Variants in PHF20 observed in about 807,000 individuals in gnomAD.
The protein encoded by PHF20 is glioma-expressed antigen 2.
PHF20 carries 23 observed loss-of-function variants against 113.5 expected under a neutral mutation model. The observed-to-expected ratio is 0.20, with a 90% CI of 0.15 to 0.29. PHF20 has a LOEUF of 0.29. Among genes scored for constraint, PHF20 ranks in the 10% least tolerant of loss-of-function variants. The probability of loss-of-function intolerance (pLI) is 1.00; values close to 1 mark genes in which losing one functional copy is unlikely to be tolerated. For missense variants in PHF20, 943 were observed against 1,219.6 expected (o/e 0.77, Z 3.38); for synonymous variants, 434 against 457.3 (o/e 0.95, Z 0.65).
chr20:35,892,096 C>T (rs560317368), intron 9 of PHF20, among the ~76,000 whole-genome samples: 61 of 150,680 alleles, frequency 4.0e-4, no homozygotes, highest in African/African-American at 1.1e-3. Context: ...CTCGTTCTTT[C>T]GCCCAGTTTC....
intron 5 of PHF20, among the ~76,000 whole-genome samples, chr20:35,861,094 GAGTT>G (rs1337821050): frequency 6.6e-6 from 1 of 151,892 alleles, no homozygotes; most frequent in African/African-American, 2.4e-5. Flanking sequence ...GGTTTGGCTA[GAGTT>G]ATCTGTCATG....
intron 2 of PHF20, among the ~76,000 whole-genome samples, chr20:35,832,296 C>G (rs781436020): frequency 6.6e-6 from 1 of 152,174 alleles, no homozygotes; most frequent in South Asian, 2.1e-4. Flanking sequence ...GTATCTTACT[C>G]TACCTTAAGG....
chr20:35,906,736 G>A (rs183112465), intron 10 of PHF20, among the ~76,000 whole-genome samples: 1 of 152,286 alleles, frequency 6.6e-6, no homozygotes, highest in African/African-American at 2.4e-5. Flanking sequence ...TATCCGATAG[G>A]CAGAACATCT....
chr20:35,841,312 C>T (rs1211322621), intron 2 of PHF20, among the ~76,000 whole-genome samples: 6 of 151,970 alleles, frequency 3.9e-5, no homozygotes, highest in Non-Finnish European at 8.8e-5. Context: ...CACTGTACTT[C>T]GGCCTGGGTG....
chr20:35,792,963 ATCTGAG>A (rs1426549772), intron 1 of PHF20, among the ~76,000 whole-genome samples: 1 of 152,150 alleles, frequency 6.6e-6, no homozygotes, highest in Non-Finnish European at 1.5e-5. Context: ...ATTGGTTAGA[ATCTGAG>A]TCTAAAACCT....
chr20:35,780,481 C>T (rs2041269513), intron 1 of PHF20, among the ~76,000 whole-genome samples: 1 of 151,770 alleles, frequency 6.6e-6, no homozygotes. Context: ...CCGCCTCGGC[C>T]TCCCAAAGTG....
intron 17 of PHF20, among the ~76,000 whole-genome samples, chr20:35,941,722 C>G (rs1296341593): frequency 6.6e-6 from 1 of 152,154 alleles, no homozygotes; most frequent in Non-Finnish European, 1.5e-5. Context: ...TGGGTACAGT[C>G]TGGCTATGAT....
At chr20:35,935,859 C>A (rs1181215241) in intron 15 of PHF20, among the ~76,000 whole-genome samples, 4 of 152,208 alleles carry the variant, frequency 2.6e-5, no homozygotes, top group African/African-American at 7.2e-5. Flanking sequence ...TGGATGGTCT[C>A]TGTTGTCATG....
intron 1 of PHF20, among the ~76,000 whole-genome samples, chr20:35,796,559 C>A (rs1411970067): frequency 6.6e-6 from 1 of 152,038 alleles, no homozygotes; most frequent in African/African-American, 2.4e-5. Flanking sequence ...TTCTAGTGTA[C>A]CTGTTTCCCC....
chr20:35,808,799 C>T (rs2041928033), intron 2 of PHF20, among the ~76,000 whole-genome samples: 1 of 151,430 alleles, frequency 6.6e-6, no homozygotes, highest in African/African-American at 2.4e-5. Flanking sequence ...GTCTCGATCT[C>T]CTGACCTCGT....
Position 35,858,378 on chromosome 20 carries a change from T to A in PHF20, c.417T>A (p.Asp139Glu). ...TTCATGTCAAAGCTTTTTCCAAAGA[T>A]CAGGTGAGAAATGTGGTTTTGTGCT... is the stretch of plus-strand genomic sequence containing the variant. The part of the protein sequence containing the change: ...KHIHVKAFSK[D>E]QNIVGNARPK... Residue 139 changes from aspartate to glutamate, a missense_variant, in exon 5 of 18, where the codon GAT becomes GAA. Coordinates refer to ENST00000374012, the MANE Select transcript of PHF20 (RefSeq NM_016436.5). 3 of 1,565,468 alleles carry A rather than the reference T, an allele frequency of 1.9e-6. No homozygotes were observed. The highest frequency in any genetic ancestry group is 2.6e-6 in the Non-Finnish European group (3 of 1,140,148).
chr20:35,862,981 G>T (rs369378766), intron 5 of PHF20, 32 bp from the exon 6 acceptor site: 4 of 1,526,806 alleles, frequency 2.6e-6, no homozygotes, highest in African/African-American at 2.8e-5. Context: ...AAGTAATCAC[G>T]AAGTGTTTCA....
At chr20:35,789,941 G>A (rs1415333881) in intron 1 of PHF20, among the ~76,000 whole-genome samples, 5 of 132,814 alleles carry the variant, frequency 3.8e-5, no homozygotes, top group African/African-American at 1.2e-4. Flanking sequence ...TGCAACCTCC[G>A]CCTCCCGGGT....
At chr20:35,795,348 C>T (rs1459142463) in intron 1 of PHF20, among the ~76,000 whole-genome samples, 1 of 151,822 alleles carries the variant, frequency 6.6e-6, no homozygotes, top group East Asian at 1.9e-4. Flanking sequence ...AATTCTTCTG[C>T]CTCACCCTCC....
rs2056144228 is a variant in PHF20, at chr20:35,949,669, C to T, written c.*2042C>T. Reference sequence around the variant, plus strand: ...AATTTAAAGCCATGTTGAGGGGCTCCATTCCCAATTCCTGGGTCAAGGTGA... The same window carrying T: ...AATTTAAAGCCATGTTGAGGGGCTCTATTCCCAATTCCTGGGTCAAGGTGA... On this transcript the variant is annotated 3_prime_UTR_variant, in exon 18 of 18. Transcript: ENST00000374012. 2.6e-5 allele frequency: 4 copies of T among 152,666 alleles called. No homozygotes were observed. Among genetic ancestry groups the T allele is most frequent in the African/African-American group, 7.2e-5 (3 of 41,458 alleles). 9.5% of individuals were successfully genotyped at this position (152,666 alleles called of 1,614,324 possible). A position where few individuals can be genotyped will look rare whatever the true frequency, so the allele number is the denominator to read the frequency against.
intron 2 of PHF20, among the ~76,000 whole-genome samples, chr20:35,813,057 C>T (rs1305682700): frequency 1.3e-5 from 2 of 152,198 alleles, no homozygotes; most frequent in African/African-American, 4.8e-5. Flanking sequence ...CAAGCTCTGC[C>T]TCTCAGGTTC....
chr20:35,854,470 A>C (rs575032742), intron 4 of PHF20, among the ~76,000 whole-genome samples: 1 of 152,142 alleles, frequency 6.6e-6, no homozygotes, highest in African/African-American at 2.4e-5. Flanking sequence ...ATTATTAGCT[A>C]CCTACGGGAG....
In PHF20 at chr20:35,844,427, T is replaced by G. The variant is rs2042585877; in HGVS notation, c.255+1683T>G. On this transcript the variant is annotated intron_variant, in intron 3 of 17. Transcript: ENST00000374012. ...GGTTTTTTTTTTTTGGTTTTTTTTTTTTTTGATAATGTTGTCCAGCTTTAT... is the reference window on the plus strand; with the variant it reads ...GGTTTTTTTTTTTTGGTTTTTTTTTGTTTTGATAATGTTGTCCAGCTTTAT... Among the ~76,000 whole-genome samples, 6 of 150,008 alleles carry G rather than the reference T, an allele frequency of 4.0e-5. No homozygotes were observed. In the South Asian group the frequency reaches 1.3e-3, roughly 32 times the overall value.
chr20:35,805,179 A>G (rs981897506), intron 2 of PHF20, among the ~76,000 whole-genome samples: 1 of 151,716 alleles, frequency 6.6e-6, no homozygotes, highest in Non-Finnish European at 1.5e-5. Flanking sequence ...CTGGGACCAC[A>G]GGCCAGATCC....
Sources: allele counts gnomAD v4.1 joint callset (sites outside exome capture counted in the v4.1 genomes callset), GRCh38; gene constraint gnomAD v4.1.1; transcripts MANE v1.5; gene names NCBI Gene and HGNC (gene_info 2026-07-23, HGNC 2026-07-21).